AFF2: variants seen among roughly 807,000 people sequenced by gnomAD.
The protein encoded by AFF2 is AF4/FMR2 family member 2.
Under a neutral mutation model 76.9 loss-of-function variants are expected in AFF2, and 14 were observed. The observed-to-expected ratio is 0.18, with a 90% confidence interval of 0.12 to 0.28. AFF2 has a LOEUF of 0.28. Ranked by LOEUF, AFF2 falls within the 10% of genes least tolerant of loss-of-function variation. The pLI is 1.00. For missense variants in AFF2, 868 were observed against 1,001.1 expected (o/e 0.87, Z 1.79); for synonymous variants, 398 against 366.7 (o/e 1.09, Z -0.98).
At chrX:148,708,964 A>AT (rs1166630021) in intron 3 of AFF2, among the ~76,000 whole-genome samples, 21 of 111,291 alleles carry the variant, frequency 1.9e-4, no homozygotes, top group African/African-American at 4.9e-4. Flanking sequence ...TAGATTTTGC[A>AT]TTTTTTTCGT....
chrX:148,678,839 C>T (rs1386241401), intron 3 of AFF2, among the ~76,000 whole-genome samples: 3 of 111,759 alleles, frequency 2.7e-5, no homozygotes, highest in African/African-American at 9.8e-5. Context: ...GAAATTGTAG[C>T]TACAGTGTGT....
rs781997718 is a variant in AFF2 at position 148,735,229 on chromosome X, A to T, written c.1041+72461A>T. Among the ~76,000 whole-genome samples the T allele has an allele frequency of 9.8e-5, 11 of 112,553 alleles. No individual in the cohort carries two copies. In the East Asian group the frequency reaches 3.1e-3, roughly 32 times the overall value. ...AATGTGCAAACAAATAGTTTCTCAG[A>T]TTCTCTGATGCACAGTTCTCTTTGA... is the stretch of plus-strand genomic sequence containing the variant. On this transcript the variant is annotated intron_variant, in intron 3 of 20. Transcript: ENST00000370460.
chrX:148,800,316 G>C (rs782673838), intron 3 of AFF2, among the ~76,000 whole-genome samples: 2 of 111,712 alleles, frequency 1.8e-5, no homozygotes, highest in East Asian at 2.8e-4. Flanking sequence ...TTAGAGGTTA[G>C]TACAAAAGTA....
intron 3 of AFF2, among the ~76,000 whole-genome samples, chrX:148,789,662 G>T (rs1256541322): frequency 8.9e-6 from 1 of 111,773 alleles, no homozygotes; most frequent in East Asian, 2.8e-4. Context: ...AGGTTGCCTT[G>T]ACAGAATGGA....
In AFF2 at chrX:148,956,493, C is replaced by A. The variant is rs1557287390; in HGVS notation, c.2448C>A (p.His816Gln). The A allele has an allele frequency of 8.3e-7, 1 of 1,212,043 alleles. No individual in the cohort carries two copies. Among genetic ancestry groups the A allele is most frequent in the Non-Finnish European group, 1.1e-6 (1 of 895,575 alleles). ...DLDLLSRVPG[H>Q]SSLHAAPAKP... The stretch of plus-strand genomic sequence containing the variant: ...ACTTACTCTCTAGAGTACCTGGCCA[C>A]AGCTCACTCCATGCAGCACCTGCCA... The change falls in exon 11 of 21, where the codon CAC becomes CAA. Residue 816 changes from histidine to glutamine, a missense_variant. Physicochemically the swap from His to Gln is conservative, Grantham distance 24 (BLOSUM62 0). Around this residue, in one of 6 missense-constraint regions of AFF2, gnomAD observed 532 missense variants for 564.2 expected, o/e 0.94. Transcript: ENST00000370460.
At chrX:148,628,916 C>T (rs781791110) in intron 1 of AFF2, among the ~76,000 whole-genome samples, 2 of 111,772 alleles carry the variant, frequency 1.8e-5, no homozygotes, top group South Asian at 7.4e-4. Flanking sequence ...GTTGGCATTG[C>T]CCATAGGAGT....
chrX:148,858,193 T>C, intron 7 of AFF2, among the ~76,000 whole-genome samples: 1 of 111,561 alleles, frequency 9.0e-6, no homozygotes, highest in Middle Eastern at 4.6e-3. Context: ...GGATGAATCA[T>C]GTCAGTCTCC....
chrX:148,524,097 T>TTCTCTCTCTC, intron 1 of AFF2, among the ~76,000 whole-genome samples: 1 of 78,240 alleles, frequency 1.3e-5, no homozygotes, highest in Admixed American at 1.6e-4. Context: ...CTCTCTCTCT[T>TTCTCTCTCTC]TCTCTCTCTC....
intron 4 of AFF2, among the ~76,000 whole-genome samples, chrX:148,836,426 GCTAC>G (rs1238346510): frequency 1.8e-5 from 2 of 111,163 alleles, no homozygotes; most frequent in Non-Finnish European, 3.8e-5. Flanking sequence ...TTGTTTTAGT[GCTAC>G]CTGAGAGTTC....
At chrX:148,608,716 A>G (rs2053698324) in intron 1 of AFF2, among the ~76,000 whole-genome samples, 2 of 110,332 alleles carry the variant, frequency 1.8e-5, no homozygotes, top group Admixed American at 1.9e-4. Flanking sequence ...ACGGGGTCTC[A>G]CCATGTTACC....
At chrX:148,635,692 C>T (rs1192024931) in intron 1 of AFF2, among the ~76,000 whole-genome samples, 1 of 111,378 alleles carries the variant, frequency 9.0e-6, no homozygotes, top group Non-Finnish European at 1.9e-5. Context: ...TGCAAGGCTT[C>T]CTCAAGGAGG....
At chrX:148,761,195 C>G (rs2069435517) in intron 3 of AFF2, among the ~76,000 whole-genome samples, 1 of 111,976 alleles carries the variant, frequency 8.9e-6, no homozygotes, top group Non-Finnish European at 1.9e-5. Flanking sequence ...AAAAATATAG[C>G]TGGACGAAAG....
intron 2 of AFF2, among the ~76,000 whole-genome samples, chrX:148,661,086 A>G (rs928747807): frequency 1.8e-4 from 20 of 112,684 alleles, no homozygotes; most frequent in African/African-American, 6.1e-4. Context: ...TTGCCTCTCT[A>G]ACTGCTATAC....
In AFF2 at chrX:148,816,933, CAA is replaced by C. The variant is rs143691805; in HGVS notation, c.1086+7025_1086+7026del. On this transcript the variant is annotated intron_variant, in intron 4 of 20. Coordinates refer to ENST00000370460, the MANE Select transcript of AFF2 (RefSeq NM_002025.4). Reference sequence around the variant, plus strand: ...AAAAAGAATCACCACAAGATCTATGCAAAAAAAAAAAAATACACAAAAAAGCA... The same window carrying C: ...AAAAAGAATCACCACAAGATCTATGCAAAAAAAAAAATACACAAAAAAGCA... Among the ~76,000 whole-genome samples, 260 of 84,451 alleles carry C rather than the reference CAA, an allele frequency of 3.1e-3. 2 individuals carry two copies. The highest frequency in any genetic ancestry group is 9.9e-3 in the African/African-American group (226 of 22,744). The allele number at this position is 84,451 out of a possible 115,157, so 73.3% of individuals were successfully genotyped here. A position where few individuals can be genotyped will look rare whatever the true frequency, so the allele number is the denominator to read the frequency against.
chrX:148,730,478 T>C (rs2055207895), intron 3 of AFF2, among the ~76,000 whole-genome samples: 1 of 112,813 alleles, frequency 8.9e-6, no homozygotes, highest in Non-Finnish European at 1.9e-5. Flanking sequence ...AAAATGCCTT[T>C]GTTGACTGAC....
chrX:148,893,860 G>A (rs1259589548), intron 8 of AFF2, among the ~76,000 whole-genome samples: 1 of 111,852 alleles, frequency 8.9e-6, no homozygotes, highest in Non-Finnish European at 1.9e-5. Context: ...GAAGTGCCTG[G>A]AGAAAAGAGT....
chrX:148,727,452 G>A (rs2055172307), intron 3 of AFF2, among the ~76,000 whole-genome samples: 1 of 111,283 alleles, frequency 9.0e-6, no homozygotes, highest in African/African-American at 3.3e-5. Context: ...TCTCTTAAAT[G>A]GGAAATTGGC....
chrX:148,728,328 G>A (rs1478510447), intron 3 of AFF2, among the ~76,000 whole-genome samples: 1 of 112,258 alleles, frequency 8.9e-6, no homozygotes, highest in Non-Finnish European at 1.9e-5. Flanking sequence ...TAGGCCATAG[G>A]CCCCAAGTGG....
intron 8 of AFF2, among the ~76,000 whole-genome samples, chrX:148,890,364 A>G (rs187238559): frequency 5.3e-4 from 59 of 112,237 alleles, no homozygotes; most frequent in Non-Finnish European, 9.6e-4. Flanking sequence ...AAGTGAAGAC[A>G]GTGTATAAGA....
Sources: gnomAD v4.1 joint callset for allele counts (sites outside exome capture counted in the v4.1 genomes callset) on GRCh38, gnomAD v4.1.1 for gene constraint, gnomAD v4.1.1 regional missense constraint, MANE v1.5 for transcripts, NCBI Gene and HGNC (gene_info 2026-07-23, HGNC 2026-07-21) for gene names.